Variants in ANO9 observed in about 807,000 individuals in gnomAD.
The protein encoded by ANO9 is anoctamin 9, also known as anoctamin-9.
A neutral mutation model predicts 100.5 loss-of-function variants in ANO9; 80 were observed. The observed-to-expected ratio is 0.80, with a 90% CI of 0.66 to 0.96. The LOEUF (loss-of-function observed/expected upper bound fraction) is 0.96. Among genes scored for constraint, ANO9 ranks in the 40% least tolerant of loss-of-function variants. The probability of loss-of-function intolerance (pLI) is 0.00; values close to 1 mark genes in which losing one functional copy is unlikely to be tolerated. For missense variants in ANO9, 1,064 were observed against 1,072.7 expected, an observed-to-expected ratio of 0.99 and a Z score of 0.11; for synonymous variants, 473 against 435.6, an observed-to-expected ratio of 1.09 and a Z score of -1.07.
chr11:419,661 A>G lies in ANO9; in HGVS notation c.1855T>C (p.Phe619Leu). The G allele has an allele frequency of 6.2e-7, 1 of 1,613,342 alleles. No homozygotes were observed. The highest frequency in any genetic ancestry group is 8.5e-7 in the Non-Finnish European group (1 of 1,179,878). Residue 619 changes from phenylalanine (F) to leucine (L), a missense_variant, in exon 20 of 23, where the codon TTC (phenylalanine) becomes CTC (leucine). Phe to Leu is a conservative substitution (Grantham distance 22, BLOSUM62 0). Coordinates refer to ENST00000332826, the MANE Select transcript of ANO9 (RefSeq NM_001012302.3). The stretch of plus-strand genomic sequence containing the variant: ...ACTCGGGGGATGAACTCAGATGTGA[A>G]GGCAATGACCATCCCATTGGCAATG... ...AVIANGMVIA[F>L]TSEFIPRVVY... is the part of the protein sequence containing the mutation.
chr11:436,388 T>G (rs925534080), intron 1 of ANO9, among the ~76,000 whole-genome samples: 1 of 151,966 alleles, frequency 6.6e-6, no homozygotes, highest in Non-Finnish European at 1.5e-5. Flanking sequence ...TTTGTTTTGC[T>G]AAGTCTGCAA....
chr11:441,840 G>C (rs909965013), intron 1 of ANO9, 81 bp downstream of exon 1: 13 of 1,546,438 alleles, frequency 8.4e-6, no homozygotes, highest in South Asian at 5.9e-5. Flanking sequence ...TGGGGCTGGC[G>C]GGGGGCTGGG....
intron 15 of ANO9, among the ~76,000 whole-genome samples, chr11:424,781 G>T (rs912775954): frequency 6.6e-6 from 1 of 152,070 alleles, no homozygotes; most frequent in African/African-American, 2.4e-5. Flanking sequence ...AAACACGGAA[G>T]GGATGCTGTG....
In ANO9 at chr11:419,229, A is replaced by G. The variant is rs564195317; in HGVS notation, c.1935-240T>C. 15 of 1,425,112 alleles carry G rather than the reference A, an allele frequency of 1.1e-5. No individual in the cohort carries two copies. The East Asian group carries it at 2.0e-4, about 19-fold the overall frequency. The allele number at this position is 1,425,112 out of a possible 1,614,324, so 88.3% of individuals were successfully genotyped here. A position where few individuals can be genotyped will look rare whatever the true frequency, so the allele number is the denominator to read the frequency against. On this transcript the variant is annotated intron_variant, in intron 20 of 22. Coordinates refer to ENST00000332826, the MANE Select transcript of ANO9 (RefSeq NM_001012302.3). ...TCCCTGCCAGAGACTGGCCCTGGGG[A>G]CCCAGTCTGCAGTTTGGTGGCTCCT...
At chr11:429,184 A>C (rs1246800806) in intron 11 of ANO9, among the ~76,000 whole-genome samples, 1 of 135,638 alleles carries the variant, frequency 7.4e-6, no homozygotes, top group African/African-American at 2.8e-5. Context: ...ACACAGGGAC[A>C]CGCCTCACGG....
chr11:422,091 G>T lies in ANO9; in HGVS notation c.1335-893C>A, dbSNP rs376082806. Among the ~76,000 whole-genome samples the T allele has an allele frequency of 6.6e-6, 1 of 152,138 alleles. No homozygotes were observed. The highest frequency in any genetic ancestry group is 1.5e-5 in the Non-Finnish European group (1 of 68,040). ...AGCATCCAGCAGAACTGGCTTTTCC[G>T]TGTGCGGCAAAGCTGCGGGGAAACA... On this transcript the variant is annotated intron_variant, in intron 15 of 22. Transcript: ENST00000332826. This position sits in a 1 kb window ranked among gnomAD's most constrained non-coding sequence, Gnocchi z 4.3.
intron 20 of ANO9, chr11:419,314 G>A (rs1848033841): frequency 7.1e-7 from 1 of 1,408,826 alleles, no homozygotes; most frequent in Non-Finnish European, 9.2e-7. Flanking sequence ...TCGGGAGGGA[G>A]CCGTTCTGGC....
chr11:434,565 C>A (rs1320857313), intron 1 of ANO9, among the ~76,000 whole-genome samples: 1 of 152,196 alleles, frequency 6.6e-6, no homozygotes, highest in Non-Finnish European at 1.5e-5. Context: ...TGAACGCTCC[C>A]AACCCCTGGC....
At chr11:434,225 G>C in intron 1 of ANO9, 127 bp from the exon 2 acceptor site, 1 of 1,102,756 alleles carries the variant, frequency 9.1e-7, no homozygotes, top group South Asian at 1.6e-5. Context: ...GAACAGCAAA[G>C]AGTCCCGAGG....
intron 1 of ANO9, 143 bp downstream of exon 1, chr11:441,778 C>T: frequency 7.6e-7 from 1 of 1,319,878 alleles, no homozygotes; most frequent in East Asian, 2.6e-5. Flanking sequence ...TCACCCTCGC[C>T]TGACCGGGCA....
At chr11:435,751 A>G (rs1441643168) in intron 1 of ANO9, among the ~76,000 whole-genome samples, 2 of 150,674 alleles carry the variant, frequency 1.3e-5, no homozygotes, top group African/African-American at 4.9e-5. Context: ...ATAGTCTAGT[A>G]TAGTCTAGTC....
chr11:428,187 G>T lies in ANO9; in HGVS notation c.1235C>A (p.Thr412Asn), dbSNP rs776128506. The T allele has an allele frequency of 3.4e-4, 549 of 1,612,162 alleles. 2 individuals carry two copies. The highest frequency in any genetic ancestry group is 1.9e-5 in the Non-Finnish European group (22 of 1,179,786). ...GAACCTGCTCTCTCGCTCCGAGAAGGTCCTGGGCATCTCTGGAATGGGACC... is the reference window on the plus strand; with the variant it reads ...GAACCTGCTCTCTCGCTCCGAGAAGTTCCTGGGCATCTCTGGAATGGGACC... ...LKLCDFEMPR[T>N]FSERESRFTI... Residue 412 changes from threonine (T) to asparagine (N), a missense_variant, in exon 15 of 23, where the codon ACC (threonine) becomes AAC (asparagine). By Grantham distance (65) the Thr-to-Asn change is moderately conservative. Coordinates refer to ENST00000332826, the MANE Select transcript of ANO9 (RefSeq NM_001012302.3).
At chr11:429,518 C>A in intron 11 of ANO9, 52 bp downstream of exon 11, 9 of 1,603,940 alleles carry the variant, frequency 5.6e-6, no homozygotes, top group Non-Finnish European at 7.6e-6. Context: ...GCATCGGGCG[C>A]CAACAGCCCC....
intron 22 of ANO9, 46 bp downstream of exon 22, chr11:418,674 A>G: frequency 6.2e-7 from 1 of 1,610,672 alleles, no homozygotes; most frequent in Non-Finnish European, 8.5e-7. Flanking sequence ...GACTGGGGAG[A>G]GCACTGCCCA....
chr11:437,234 C>A (rs922882273), intron 1 of ANO9, among the ~76,000 whole-genome samples: 4 of 152,100 alleles, frequency 2.6e-5, no homozygotes, highest in African/African-American at 9.7e-5. Flanking sequence ...ATCCCAAAAC[C>A]ATCCCACCAC....
At chr11:433,761 G>T in intron 3 of ANO9, 54 bp downstream of exon 3, 1 of 1,516,220 alleles carries the variant, frequency 6.6e-7, no homozygotes, top group Non-Finnish European at 8.9e-7. Context: ...CCTGCCCCTC[G>T]CTGGACACCC....
At position 420,953 on chromosome 11, in the gene ANO9, G is replaced by A. The variant is rs1210168733; in HGVS notation, c.1482C>T (p.Tyr494=). ...LKQTLSNCVE[Y]LVPWVTHKCR... ...CGGGGGTCGGCACTCACGGGACCAG[G>A]TACTCGACGCAGTTGCTGAGCGTCT... Residue 494 remains tyrosine, a synonymous_variant, in exon 17 of 23, where the codon TAC becomes TAT. Coordinates refer to ENST00000332826, the MANE Select transcript of ANO9 (RefSeq NM_001012302.3). 2.5e-6 allele frequency: 4 copies of A among 1,604,936 alleles called. No homozygotes were observed. Among genetic ancestry groups the A allele is most frequent in the South Asian group, 2.2e-5 (2 of 90,840 alleles).
At position 428,789 on chromosome 11, in the gene ANO9, T is replaced by C. The variant is rs1848686669; in HGVS notation, c.953A>G (p.Tyr318Cys). ...MALQLINCPD[Y>C]KLRPYQHSYL... ...GGAGTGCTGGTATGGCCGGAGCTTG[T>C]AGTCGGGGCAGTTAATGAGCTGAAG... Residue 318 changes from tyrosine (Y) to cysteine (C), a missense_variant, in exon 12 of 23, where the codon TAC (tyrosine) becomes TGC (cysteine). By Grantham distance (194) the Tyr-to-Cys change is radical (BLOSUM62 -2). Coordinates refer to ENST00000332826, the MANE Select transcript of ANO9 (RefSeq NM_001012302.3). 6.2e-7 allele frequency: 1 copy of C among 1,613,296 alleles called. No individual in the cohort carries two copies. The highest frequency in any genetic ancestry group is 8.5e-7 in the Non-Finnish European group (1 of 1,179,938).
At chr11:429,348 C>T in intron 11 of ANO9, 1 of 1,122,200 alleles carries the variant, frequency 8.9e-7, no homozygotes, top group Non-Finnish European at 1.2e-6. Context: ...AGCGACACGC[C>T]TCACGGGTGG....
Sources: gnomAD v4.1 joint callset for allele counts (sites outside exome capture counted in the v4.1 genomes callset) on GRCh38, gnomAD v4.1.1 for gene constraint, Gnocchi (gnomAD v3.1) non-coding constraint, MANE v1.5 for transcripts, NCBI Gene and HGNC (gene_info 2026-07-23, HGNC 2026-07-21) for gene names.